Variants in TBC1D5 observed in about 807,000 individuals in gnomAD.
The protein encoded by TBC1D5 is TBC1 domain family, member 5.
TBC1D5 carries 75 observed loss-of-function variants against 100.3 expected under a neutral mutation model. The observed-to-expected ratio is 0.75, with a 90% confidence interval of 0.62 to 0.91. The LOEUF is 0.91. TBC1D5 is among the 40% of genes least tolerant of loss of function. TBC1D5 has a pLI of 0.00. For synonymous variants in TBC1D5, 323 were observed against 325.6 expected (o/e 0.99, Z 0.09); for missense variants, 910 against 942.4 (o/e 0.97, Z 0.45).
intron 3 of TBC1D5, among the ~76,000 whole-genome samples, chr3:17,501,674 A>G (rs967189043): frequency 3.3e-5 from 5 of 149,280 alleles, no homozygotes; most frequent in African/African-American, 1.3e-4. Flanking sequence ...TCAATCCATC[A>G]ATGAATTCTT....
At chr3:17,599,366 A>T (rs1293960192) in intron 2 of TBC1D5, among the ~76,000 whole-genome samples, 2 of 152,184 alleles carry the variant, frequency 1.3e-5, no homozygotes, top group Non-Finnish European at 2.9e-5. Flanking sequence ...GAAGAGAATA[A>T]GCACCTGAAG....
chr3:17,343,970 A>C (rs1372509605), intron 13 of TBC1D5, among the ~76,000 whole-genome samples: 1 of 151,632 alleles, frequency 6.6e-6, no homozygotes, highest in African/African-American at 2.4e-5. Context: ...TATTTCCTTC[A>C]GTTCTGCTCT....
At chr3:17,328,275 T>TA (rs201518364) in intron 13 of TBC1D5, among the ~76,000 whole-genome samples, 2,099 of 142,454 alleles carry the variant, frequency 0.015, 24 homozygotes, top group Middle Eastern at 0.04. Flanking sequence ...TCTCTTTATT[T>TA]AAAAAAAAAA....
chr3:17,612,347 G>A (rs2061736794), intron 2 of TBC1D5, among the ~76,000 whole-genome samples: 1 of 150,150 alleles, frequency 6.7e-6, no homozygotes, highest in African/African-American at 2.5e-5. Context: ...AATGAGTAGA[G>A]GCTAGGCGCG....
At chr3:17,373,954 T>C (rs184334428) in intron 12 of TBC1D5, among the ~76,000 whole-genome samples, 2 of 152,232 alleles carry the variant, frequency 1.3e-5, no homozygotes, top group Middle Eastern at 3.4e-3. Context: ...GCTAACCCTA[T>C]AAATATACTA....
chr3:17,339,437 T>A (rs1177312735), intron 13 of TBC1D5, among the ~76,000 whole-genome samples: 1 of 152,182 alleles, frequency 6.6e-6, no homozygotes, highest in Non-Finnish European at 1.5e-5. Flanking sequence ...CCGGTCTGAC[T>A]GGGGACAAAT....
chr3:17,272,050 G>C (rs2079481503), intron 15 of TBC1D5, among the ~76,000 whole-genome samples: 1 of 151,986 alleles, frequency 6.6e-6, no homozygotes, highest in African/African-American at 2.4e-5. Flanking sequence ...TCTGAAGGAT[G>C]AATAGGCATT....
intron 3 of TBC1D5, among the ~76,000 whole-genome samples, chr3:17,433,716 G>C (rs2094484952): frequency 6.6e-6 from 1 of 152,090 alleles, no homozygotes; most frequent in Non-Finnish European, 1.5e-5. Context: ...GTCCTGCAAA[G>C]TCTTAACTCA....
intron 13 of TBC1D5, among the ~76,000 whole-genome samples, chr3:17,320,703 CAG>C (rs1255548230): frequency 1.3e-5 from 2 of 152,108 alleles, no homozygotes; most frequent in African/African-American, 4.8e-5. Flanking sequence ...TGGTGCAAAA[CAG>C]AGATATACAT....
intron 17 of TBC1D5, among the ~76,000 whole-genome samples, chr3:17,220,872 C>T (rs2126095433): frequency 6.6e-6 from 1 of 152,184 alleles, no homozygotes; most frequent in South Asian, 2.1e-4. Context: ...ATTCACAAGG[C>T]TTTTTGACAA....
At chr3:17,454,333 C>G (rs1035013712) in intron 3 of TBC1D5, among the ~76,000 whole-genome samples, 2 of 152,072 alleles carry the variant, frequency 1.3e-5, no homozygotes, top group South Asian at 4.1e-4. Flanking sequence ...AGCAAATTAT[C>G]CTTGTTTGCA....
chr3:17,394,760 TACAA>T (rs908192956), intron 8 of TBC1D5, among the ~76,000 whole-genome samples: 1 of 151,288 alleles, frequency 6.6e-6, no homozygotes, highest in African/African-American at 2.4e-5. Context: ...CTACAAACCT[TACAA>T]ACAACCAAAC....
intron 2 of TBC1D5, among the ~76,000 whole-genome samples, chr3:17,581,214 G>GT (rs959988290): frequency 1.3e-5 from 2 of 152,188 alleles, no homozygotes; most frequent in African/African-American, 4.8e-5. Context: ...CGCCATGATT[G>GT]TGAGACCTCC....
At chr3:17,579,470 A>G (rs979191283) in intron 2 of TBC1D5, among the ~76,000 whole-genome samples, 2 of 152,106 alleles carry the variant, frequency 1.3e-5, no homozygotes, top group African/African-American at 4.8e-5. Flanking sequence ...CAGAACTGCA[A>G]GGAAAAGGAG....
chr3:17,619,641 A>T lies in TBC1D5; in HGVS notation c.-36+4208T>A, dbSNP rs565476928. ...CATAAGAAAACTACAAGTACTTTTT[A>T]AAAGTGCAGGGAGCAGGAGAGAGGG... is the stretch of plus-strand genomic sequence containing the variant. On this transcript the variant is annotated intron_variant, in intron 2 of 21. Coordinates refer to ENST00000253692, the Ensembl canonical transcript of TBC1D5. 2.6e-4 allele frequency among the ~76,000 whole-genome samples: 39 copies of T among 152,362 alleles called. No individual in the cohort carries two copies. In the Middle Eastern group the frequency reaches 0.01, roughly 40 times the overall value.
intron 14 of TBC1D5, among the ~76,000 whole-genome samples, chr3:17,303,655 T>C (rs1354614448): frequency 1.3e-5 from 2 of 152,182 alleles, no homozygotes; most frequent in Non-Finnish European, 1.5e-5. Context: ...TTTAGCTTTC[T>C]CATGCTCTAC....
chr3:17,703,377 G>A (rs913027103), intron 1 of TBC1D5, among the ~76,000 whole-genome samples: 3 of 151,942 alleles, frequency 2.0e-5, no homozygotes, highest in Middle Eastern at 3.4e-3. Flanking sequence ...CATTTCACTT[G>A]TACTTCCTGA....
At chr3:17,692,030 AG>A (rs1404626106) in intron 1 of TBC1D5, among the ~76,000 whole-genome samples, 1 of 152,238 alleles carries the variant, frequency 6.6e-6, no homozygotes, top group Admixed American at 6.5e-5. Flanking sequence ...GCATACAGTA[AG>A]AATGTTTTAA....
intron 18 of TBC1D5, among the ~76,000 whole-genome samples, chr3:17,203,914 T>C (rs1469828523): frequency 1.3e-5 from 2 of 152,194 alleles, no homozygotes; most frequent in African/African-American, 2.4e-5. Flanking sequence ...TGTCTGGGTA[T>C]AGAAGCTCTA....
Sources: gnomAD v4.1 joint callset for allele counts (sites outside exome capture counted in the v4.1 genomes callset) on GRCh38, gnomAD v4.1.1 for gene constraint, MANE v1.5 for transcripts, NCBI Gene and HGNC (gene_info 2026-07-23, HGNC 2026-07-21) for gene names.